Variants in HMGCLL1 observed in about 807,000 individuals in gnomAD.
HMGCLL1 encodes the protein 3-hydroxymethyl-3-methylglutaryl-CoA lyase, cytoplasmic.
A neutral mutation model predicts 39.1 loss-of-function variants in HMGCLL1; 36 were observed. The observed-to-expected ratio is 0.92, with a 90% CI of 0.71 to 1.22. The LOEUF is 1.22. Among genes scored for constraint, HMGCLL1 ranks in the 50% most tolerant of loss-of-function variants. The probability of loss-of-function intolerance (pLI) is 0.00; values close to 1 mark genes in which losing one functional copy is unlikely to be tolerated. For missense variants in HMGCLL1, 451 were observed against 416.5 expected (o/e 1.08, Z -0.72); for synonymous variants, 149 against 144.0 (o/e 1.03, Z -0.25).
At chr6:55,607,781 C>T in the HMGCLL1 span, among the ~76,000 whole-genome samples, 2 of 152,090 alleles carry the variant, frequency 1.3e-5, no homozygotes, top group Non-Finnish European at 2.9e-5. Context: ...AAAATAAACT[C>T]CTCCTCAAAA....
In HMGCLL1 at chr6:55,579,107, A is replaced by T; in HGVS notation, c.-52T>A. 7.3e-7 allele frequency: 1 copy of T among 1,370,232 alleles called. No homozygotes were observed. Among genetic ancestry groups the T allele is most frequent in the Non-Finnish European group, 1.0e-6 (1 of 977,032 alleles). The allele number at this position is 1,370,232 out of a possible 1,614,324, so 84.9% of individuals were successfully genotyped here. A position where few individuals can be genotyped will look rare whatever the true frequency, so the allele number is the denominator to read the frequency against. Reference sequence around the variant, plus strand: ...AGGGGAGGGAGACTGGAGGAGGATGAGGGGCGGGCACCGCGCTGGGAAACT... The same window carrying T: ...AGGGGAGGGAGACTGGAGGAGGATGTGGGGCGGGCACCGCGCTGGGAAACT... On this transcript the variant is annotated 5_prime_UTR_variant, in exon 1 of 9. Transcript: ENST00000274901.
At chr6:55,449,563 C>T (rs996398574) in intron 7 of HMGCLL1, among the ~76,000 whole-genome samples, 3 of 152,202 alleles carry the variant, frequency 2.0e-5, no homozygotes, top group African/African-American at 4.8e-5. Flanking sequence ...CCAATTGGAA[C>T]GGATATACCA....
At chr6:55,462,388 A>G (rs1379392395) in intron 7 of HMGCLL1, among the ~76,000 whole-genome samples, 3 of 151,980 alleles carry the variant, frequency 2.0e-5, no homozygotes, top group Admixed American at 6.6e-5. Context: ...CCCTTTCTCA[A>G]TTATACCACA....
At chr6:55,578,711 G>A (rs1006948334) in intron 1 of HMGCLL1, among the ~76,000 whole-genome samples, 6 of 152,230 alleles carry the variant, frequency 3.9e-5, no homozygotes, top group African/African-American at 1.4e-4. Flanking sequence ...CCAGCAAATG[G>A]TCACAGGCAG....
intron 3 of HMGCLL1, among the ~76,000 whole-genome samples, chr6:55,519,539 ACATGCACACACAAATGTG>A (rs904999611): frequency 1.3e-5 from 2 of 152,074 alleles, no homozygotes; most frequent in African/African-American, 2.4e-5. Flanking sequence ...TGTTTTTCTA[ACATGCACACACAAATGTG>A]CATGCACACA....
At chr6:55,502,457 T>C (rs1391187374) in intron 5 of HMGCLL1, among the ~76,000 whole-genome samples, 1 of 151,830 alleles carries the variant, frequency 6.6e-6, no homozygotes, top group African/African-American at 2.4e-5. Context: ...GTTTACTCCA[T>C]ATGGAAATTC....
At chr6:55,461,168 T>C (rs116508453) in intron 7 of HMGCLL1, among the ~76,000 whole-genome samples, 2,330 of 152,026 alleles carry the variant, frequency 0.015, 33 homozygotes, top group Non-Finnish European at 0.025. Flanking sequence ...AGAATAATGA[T>C]CTACTATTTA....
chr6:55,547,705 T>C (rs12201934), intron 1 of HMGCLL1, among the ~76,000 whole-genome samples: 27,645 of 151,896 alleles, frequency 0.18, 2,729 homozygotes, highest in Admixed American at 0.25. Flanking sequence ...TTAGGCTTTT[T>C]AAGGGGGCAT....
At chr6:55,580,658 G>A (rs1771967038), upstream of HMGCLL1, among the ~76,000 whole-genome samples, 1 of 151,892 alleles carries the variant, frequency 6.6e-6, no homozygotes, top group Non-Finnish European at 1.5e-5. Flanking sequence ...CTCGTGGTCT[G>A]ACCTCCTCGG....
chr6:55,631,667 C>A, the HMGCLL1 span, among the ~76,000 whole-genome samples: 1 of 152,058 alleles, frequency 6.6e-6, no homozygotes, highest in Non-Finnish European at 1.5e-5. Context: ...TGCAATAATT[C>A]ATTGATTACT....
intron 5 of HMGCLL1, among the ~76,000 whole-genome samples, chr6:55,510,461 A>G (rs1202461024): frequency 6.6e-6 from 1 of 151,892 alleles, no homozygotes; most frequent in East Asian, 1.9e-4. Context: ...CTATGCAGCC[A>G]TAAAAAATGA....
At chr6:55,583,905 T>C (rs902537849), upstream of HMGCLL1, among the ~76,000 whole-genome samples, 26 of 152,282 alleles carry the variant, frequency 1.7e-4, no homozygotes, top group Non-Finnish European at 3.5e-4. Context: ...TTGCTTTCAG[T>C]CTTCTTACGG....
chr6:55,527,035 T>C (rs921143993), intron 3 of HMGCLL1, among the ~76,000 whole-genome samples: 2 of 152,044 alleles, frequency 1.3e-5, no homozygotes, highest in Non-Finnish European at 2.9e-5. Flanking sequence ...GACCCAAGTC[T>C]ATCTGACTGC....
intron 6 of HMGCLL1, among the ~76,000 whole-genome samples, chr6:55,495,949 G>A (rs1320111996): frequency 3.3e-5 from 5 of 151,994 alleles, no homozygotes; most frequent in African/African-American, 1.2e-4. Context: ...TCAAACCAAA[G>A]CATTACAGAT....
At chr6:55,525,590 A>G (rs970538387) in intron 3 of HMGCLL1, among the ~76,000 whole-genome samples, 1 of 151,942 alleles carries the variant, frequency 6.6e-6, no homozygotes, top group Non-Finnish European at 1.5e-5. Context: ...GAACCGACTC[A>G]GTATGTGTCA....
chr6:55,519,122 A>G (rs1767898913), intron 3 of HMGCLL1, among the ~76,000 whole-genome samples: 1 of 152,164 alleles, frequency 6.6e-6, no homozygotes, highest in Non-Finnish European at 1.5e-5. Flanking sequence ...ACGTTAGTAT[A>G]AAGATTCTGA....
intron 3 of HMGCLL1, among the ~76,000 whole-genome samples, chr6:55,524,302 C>T (rs1482158820): frequency 1.3e-5 from 2 of 151,624 alleles, no homozygotes; most frequent in Admixed American, 6.6e-5. Flanking sequence ...ACCTCAGATG[C>T]TCACTTAAAT....
intron 1 of HMGCLL1, among the ~76,000 whole-genome samples, chr6:55,554,035 C>A (rs964772233): frequency 3.3e-5 from 5 of 152,056 alleles, no homozygotes; most frequent in Admixed American, 1.3e-4. Flanking sequence ...CAGTTTGAAC[C>A]TTTGAGAGGC....
At chr6:55,451,552 AAAAAAC>A (rs374143147) in intron 7 of HMGCLL1, among the ~76,000 whole-genome samples, 42 of 146,676 alleles carry the variant, frequency 2.9e-4, no homozygotes, top group South Asian at 2.4e-3. Context: ...TCCATCTCCA[AAAAAAC>A]AAAAACAAAA....
Sources: gnomAD v4.1 joint callset for allele counts (sites outside exome capture counted in the v4.1 genomes callset) on GRCh38, gnomAD v4.1.1 for gene constraint, MANE v1.5 for transcripts, NCBI Gene and HGNC (gene_info 2026-07-23, HGNC 2026-07-21) for gene names.